The following CADPS2 variants were observed in gnomAD, a reference collection of about 807,000 sequenced individuals.
CADPS2 encodes calcium dependent secretion activator 2.
Under a neutral mutation model 172.5 loss-of-function variants are expected in CADPS2, and 93 were observed. The observed-to-expected ratio is 0.54, with a 90% CI of 0.46 to 0.64. The LOEUF is 0.64. CADPS2 is among the 30% of genes least tolerant of loss of function. The pLI, the probability that CADPS2 is intolerant of heterozygous loss-of-function variation, is 0.00. For synonymous variants in CADPS2, 546 were observed against 555.2 expected, an observed-to-expected ratio of 0.98 and a Z score of 0.23; for missense variants, 1,420 against 1,565.9, an observed-to-expected ratio of 0.91 and a Z score of 1.57.
intron 1 of CADPS2, among the ~76,000 whole-genome samples, chr7:122,869,124 T>C (rs1380838614): frequency 6.6e-6 from 1 of 151,722 alleles, no homozygotes; most frequent in Admixed American, 6.6e-5. Flanking sequence ...GAAAAAGGAA[T>C]ACAAACCATA....
chr7:122,574,680 A>C (rs1317654263), intron 7 of CADPS2, among the ~76,000 whole-genome samples: 3 of 151,918 alleles, frequency 2.0e-5, no homozygotes, highest in African/African-American at 4.8e-5. Context: ...GGAAATTTTT[A>C]AAAAAGGAAA....
At chr7:122,694,041 T>G (rs1027834950) in intron 2 of CADPS2, among the ~76,000 whole-genome samples, 5 of 152,176 alleles carry the variant, frequency 3.3e-5, no homozygotes, top group Admixed American at 6.5e-5. Context: ...CAGATAATAA[T>G]AAATATTACA....
At chr7:122,422,686 G>A (rs2048668607) in intron 17 of CADPS2, among the ~76,000 whole-genome samples, 1 of 152,026 alleles carries the variant, frequency 6.6e-6, no homozygotes, top group Non-Finnish European at 1.5e-5. Flanking sequence ...CAGGCACGGT[G>A]GCTCATGCCT....
chr7:122,648,790 GC>G, intron 3 of CADPS2, among the ~76,000 whole-genome samples: 1 of 152,246 alleles, frequency 6.6e-6, no homozygotes, highest in East Asian at 1.9e-4. Flanking sequence ...CCAAGAGGAT[GC>G]AAAAACAGTC....
At chr7:122,688,810 A>G (rs896335069) in intron 2 of CADPS2, among the ~76,000 whole-genome samples, 1 of 152,168 alleles carries the variant, frequency 6.6e-6, no homozygotes, top group Non-Finnish European at 1.5e-5. Flanking sequence ...TGAGTCACTC[A>G]GCCTGTCCTT....
At chr7:122,373,358 A>G (rs1052011429) in intron 25 of CADPS2, among the ~76,000 whole-genome samples, 2 of 152,022 alleles carry the variant, frequency 1.3e-5, no homozygotes, top group Non-Finnish European at 2.9e-5. Flanking sequence ...ATCACTGGAG[A>G]TTGGGGTATG....
chr7:122,759,025 T>C (rs1589028102), intron 1 of CADPS2, among the ~76,000 whole-genome samples: 1 of 151,780 alleles, frequency 6.6e-6, no homozygotes, highest in South Asian at 2.1e-4. Flanking sequence ...TTAAAGGTCC[T>C]TAAAGGAAAA....
intron 1 of CADPS2, among the ~76,000 whole-genome samples, chr7:122,826,128 G>A (rs961520815): frequency 6.6e-6 from 1 of 152,062 alleles, no homozygotes; most frequent in East Asian, 1.9e-4. Context: ...GGAGAGTAGC[G>A]ACTTTCATCA....
intron 22 of CADPS2, among the ~76,000 whole-genome samples, chr7:122,391,685 T>C (rs1393744237): frequency 1.3e-5 from 2 of 152,182 alleles, no homozygotes. Context: ...AATGCAGTTA[T>C]GATGTTAAAC....
Position 122,796,752 on chromosome 7 carries a change from G to GA in CADPS2, c.340-59685dup, listed in dbSNP as rs77803096. On this transcript the variant is annotated intron_variant, in intron 1 of 29. Transcript: ENST00000449022. ...AGACTTACATGTAAAATCCAAAACT[G>GA]AAAAAAAAAACCCTGGAAGACAATC... Among the ~76,000 whole-genome samples the GA allele has an allele frequency of 4.3e-4, 62 of 145,358 alleles. 1 individual carries two copies. The highest frequency in any genetic ancestry group is 3.5e-3 in the Middle Eastern group (1 of 282).
intron 7 of CADPS2, among the ~76,000 whole-genome samples, chr7:122,576,384 T>C (rs1259860670): frequency 2.6e-4 from 40 of 152,172 alleles, no homozygotes; most frequent in Admixed American, 2.6e-3. Flanking sequence ...GGTCTGTTTC[T>C]TTTCTCATCA....
In CADPS2 at chr7:122,717,113, T is replaced by G. The variant is rs894965853; in HGVS notation, c.453+19842A>C. On this transcript the variant is annotated intron_variant, in intron 2 of 29. Transcript: ENST00000449022. ...CTTCCTAATATATTTTTGATATCCA[T>G]ACTTTTGAATTCAGGATACAATTTA... 7.2e-5 allele frequency among the ~76,000 whole-genome samples: 11 copies of G among 152,198 alleles called. No individual in the cohort carries two copies. In the South Asian group the frequency reaches 1.2e-3, roughly 17 times the overall value.
intron 1 of CADPS2, among the ~76,000 whole-genome samples, chr7:122,755,321 A>G (rs1004110702): frequency 2.0e-5 from 3 of 152,200 alleles, no homozygotes; most frequent in Non-Finnish European, 4.4e-5. Flanking sequence ...AAGATCTTCA[A>G]AATTATTTTA....
chr7:122,746,955 T>C (rs891643779), intron 1 of CADPS2, among the ~76,000 whole-genome samples: 1 of 152,138 alleles, frequency 6.6e-6, no homozygotes, highest in Non-Finnish European at 1.5e-5. Context: ...GACTCTCTTA[T>C]TCATTGACAG....
At position 122,490,226 on chromosome 7, in the gene CADPS2, G is replaced by T. The variant is rs1406117602; in HGVS notation, c.1707C>A (p.Ile569=). 2 of 1,613,270 alleles carry T rather than the reference G, an allele frequency of 1.2e-6. No homozygotes were observed. Among genetic ancestry groups the T allele is most frequent in the Non-Finnish European group, 8.5e-7 (1 of 1,179,526 alleles). ...TGTCCTGTTCATCATCACTGGCAAA[G>T]ATTACAGTATCTCCTTCTTTAACAG... ...FNAVKEGDTV[I]FASDDEQDRI... is the part of the protein sequence containing the mutation. Residue 569 remains isoleucine, a synonymous_variant, in exon 11 of 30, where the codon ATC becomes ATA. Transcript: ENST00000449022.
At chr7:122,823,020 A>G (rs1803834019) in intron 1 of CADPS2, among the ~76,000 whole-genome samples, 1 of 152,176 alleles carries the variant, frequency 6.6e-6, no homozygotes, top group African/African-American at 2.4e-5. Flanking sequence ...AGGTGAGATG[A>G]TATCTCATTA....
At chr7:122,423,590 T>C (rs554235485) in intron 17 of CADPS2, among the ~76,000 whole-genome samples, 11 of 152,344 alleles carry the variant, frequency 7.2e-5, no homozygotes, top group South Asian at 2.1e-4. Flanking sequence ...TGAGGAATCA[T>C]TGACTCTCTC....
chr7:122,481,958 G>C (rs978035991), intron 11 of CADPS2, among the ~76,000 whole-genome samples: 1 of 152,076 alleles, frequency 6.6e-6, no homozygotes, highest in East Asian at 1.9e-4. Context: ...CTTGAACCTG[G>C]GAGGCAGAGG....
At chr7:122,595,447 T>C (rs1189515467) in intron 6 of CADPS2, among the ~76,000 whole-genome samples, 4 of 152,090 alleles carry the variant, frequency 2.6e-5, no homozygotes, top group Admixed American at 2.0e-4. Flanking sequence ...TACATTTTCT[T>C]AATTTGAAGA....
Sources: allele counts gnomAD v4.1 joint callset (sites outside exome capture counted in the v4.1 genomes callset), GRCh38; gene constraint gnomAD v4.1.1; transcripts MANE v1.5; gene names NCBI Gene and HGNC (gene_info 2026-07-23, HGNC 2026-07-21).